Variants in SLC6A7 observed in about 807,000 individuals in gnomAD.
SLC6A7 encodes solute carrier family 6 member 7, also known as sodium-dependent proline transporter.
A neutral mutation model predicts 73.1 loss-of-function variants in SLC6A7; 58 were observed. The observed-to-expected ratio is 0.79, with a 90% CI of 0.64 to 0.99. The LOEUF (loss-of-function observed/expected upper bound fraction) is 0.99, where lower values mean the gene tolerates loss of function less well. Ranked by LOEUF, SLC6A7 falls within the 50% of genes least tolerant of loss-of-function variation. SLC6A7 has a pLI of 0.00. For missense variants in SLC6A7, 783 were observed against 831.4 expected (o/e 0.94, Z 0.72); for synonymous variants, 338 against 338.7 (o/e 1.00, Z 0.02).
rs766297889 is a variant in SLC6A7 at position 150,202,493 on chromosome 5, G to A, written c.962+43G>A. On this transcript the variant is annotated intron_variant, in intron 7 of 13. Transcript: ENST00000230671. ...TCCCAGACCCTGGGGTCCAAAGCAG[G>A]GAGGAGAGTGGCTGGCCAGGGAGGG... 7 of 1,611,088 alleles carry A rather than the reference G, an allele frequency of 4.3e-6. No homozygotes were observed. In the Admixed American group the frequency reaches 1.2e-4, roughly 27 times the overall value.
chr5:150,190,954 T>C (rs1263611328), intron 1 of SLC6A7, among the ~76,000 whole-genome samples: 1 of 152,012 alleles, frequency 6.6e-6, no homozygotes, highest in African/African-American at 2.4e-5. Flanking sequence ...ATATGATCAA[T>C]GAAGATGGAA....
At position 150,202,620 on chromosome 5, in the gene SLC6A7, T is replaced by A. The variant is rs1399929506; in HGVS notation, c.1004T>A (p.Ile335Asn). The A allele has an allele frequency of 1.2e-6, 2 of 1,614,086 alleles. No homozygotes were observed. Among genetic ancestry groups the A allele is most frequent in the Non-Finnish European group, 1.7e-6 (2 of 1,180,032 alleles). Residue 335 changes from isoleucine to asparagine, a missense_variant, in exon 8 of 14, where the codon ATC becomes AAC. By Grantham distance (149) the Ile-to-Asn change is moderately radical (BLOSUM62 -3). Coordinates refer to ENST00000230671, the MANE Select transcript of SLC6A7 (RefSeq NM_014228.5). ...IVTLGNAITSILAGFAIFSVL... is the reference protein window; with the variant it reads ...IVTLGNAITSNLAGFAIFSVL... Reference sequence around the variant, plus strand: ...ACTCTGGGCAACGCCATCACCAGCATCCTGGCTGGCTTTGCCATCTTCTCC... The same window carrying A: ...ACTCTGGGCAACGCCATCACCAGCAACCTGGCTGGCTTTGCCATCTTCTCC...
chr5:150,204,472 G>A lies in SLC6A7; in HGVS notation c.1333-60G>A. The stretch of plus-strand genomic sequence containing the variant: ...TCCTGCTCACTTCTTGCCAGGAGAA[G>A]GGGCTGTAGCAGAGAACGAGGCCCA... On this transcript the variant is annotated intron_variant, in intron 10 of 13. Transcript: ENST00000230671. 7 of 1,293,912 alleles carry A rather than the reference G, an allele frequency of 5.4e-6. No individual in the cohort carries two copies. The South Asian group carries it at 8.3e-5, about 15-fold the overall frequency. 80.2% of individuals were successfully genotyped at this position (1,293,912 alleles called of 1,614,324 possible).
At chr5:150,191,242 G>A (rs1327028219) in intron 1 of SLC6A7, among the ~76,000 whole-genome samples, 1 of 152,206 alleles carries the variant, frequency 6.6e-6, no homozygotes, top group Non-Finnish European at 1.5e-5. Flanking sequence ...CACTGGGTGT[G>A]TGAGGTGTGG....
chr5:150,194,294 T>C (rs1299300587), intron 1 of SLC6A7, among the ~76,000 whole-genome samples: 1 of 151,694 alleles, frequency 6.6e-6, no homozygotes, highest in East Asian at 1.9e-4. Context: ...CCGGGCGTGG[T>C]GGTGGGCGCC....
chr5:150,194,803 C>A lies in SLC6A7; in HGVS notation c.109C>A (p.Arg37=), dbSNP rs202163986. The change falls in exon 2 of 14, where the codon CGG becomes AGG. Residue 37 remains arginine, a synonymous_variant. Transcript: ENST00000230671. ...CCTGGATGTGGACTTTGCTGCACACCGGGGGAACTGGACAGGCAAGCTGGA... is the reference window on the plus strand; with the variant it reads ...CCTGGATGTGGACTTTGCTGCACACAGGGGGAACTGGACAGGCAAGCTGGA... The part of the protein sequence containing the change: ...VDLDVDFAAH[R]GNWTGKLDFL... 3.7e-6 allele frequency: 6 copies of A among 1,613,940 alleles called. No individual in the cohort carries two copies. The highest frequency in any genetic ancestry group is 1.6e-4 in the Middle Eastern group (1 of 6,084).
intron 2 of SLC6A7, among the ~76,000 whole-genome samples, chr5:150,196,200 G>A (rs1753010571): frequency 6.6e-6 from 1 of 152,200 alleles, no homozygotes; most frequent in African/African-American, 2.4e-5. Flanking sequence ...CTAGGAGGGG[G>A]TTGGTTGATG....
Position 150,203,791 on chromosome 5 carries a change from C to A in SLC6A7, c.1200+12C>A. 4 of 1,553,532 alleles carry A rather than the reference C, an allele frequency of 2.6e-6. No homozygotes were observed. The highest frequency in any genetic ancestry group is 3.5e-6 in the Non-Finnish European group (4 of 1,127,258). On this transcript the variant is annotated intron_variant, in intron 9 of 13. Transcript: ENST00000230671. Reference sequence around the variant, plus strand: ...GCCTAGATAGCCAGGTGAGTCTCGTCTGTGGCAGCAGGCACCCCGTGTGTG... The same window carrying A: ...GCCTAGATAGCCAGGTGAGTCTCGTATGTGGCAGCAGGCACCCCGTGTGTG...
chr5:150,196,123 G>A (rs79065905), intron 2 of SLC6A7, among the ~76,000 whole-genome samples: 6,897 of 152,242 alleles, frequency 0.045, 186 homozygotes, highest in East Asian at 0.12. Context: ...AGGAGAGGGC[G>A]GTGAACCCCC....
intron 1 of SLC6A7, among the ~76,000 whole-genome samples, chr5:150,191,714 G>A (rs192813166): frequency 6.6e-6 from 1 of 152,306 alleles, no homozygotes; most frequent in East Asian, 1.9e-4. Flanking sequence ...ACAGGTGTGA[G>A]TCACTGCGCC....
At chr5:150,198,141 G>T (rs1264279130) in intron 4 of SLC6A7, among the ~76,000 whole-genome samples, 4 of 149,536 alleles carry the variant, frequency 2.7e-5, no homozygotes, top group Admixed American at 2.0e-4. Context: ...AAGAAAGAAA[G>T]CAAAGCCCAG....
At chr5:150,208,835 G>A (rs945002263) in intron 13 of SLC6A7, among the ~76,000 whole-genome samples, 2 of 152,190 alleles carry the variant, frequency 1.3e-5, no homozygotes, top group African/African-American at 4.8e-5. Context: ...GGAAACTGGG[G>A]CTCTACAAGG....
At chr5:150,192,768 G>C (rs1278817982) in intron 1 of SLC6A7, among the ~76,000 whole-genome samples, 1 of 152,202 alleles carries the variant, frequency 6.6e-6, no homozygotes, top group Non-Finnish European at 1.5e-5. Flanking sequence ...AGCATGGAAA[G>C]GGCAGCTTCT....
In SLC6A7 at chr5:150,208,017, G is replaced by A. The variant is rs73279873; in HGVS notation, c.1702-1389G>A. 4.3e-3 allele frequency among the ~76,000 whole-genome samples: 647 copies of A among 151,958 alleles called. 5 individuals are homozygous for A. Among genetic ancestry groups the A allele is most frequent in the African/African-American group, 0.015 (624 of 41,450 alleles). On this transcript the variant is annotated intron_variant, in intron 13 of 13. Coordinates refer to ENST00000230671, the MANE Select transcript of SLC6A7 (RefSeq NM_014228.5). ...CTGCTAAACAACCTTCCATGCGCAG[G>A]ACAGCCCCCATAACACAGAATCCTC... is the stretch of plus-strand genomic sequence containing the variant.
At position 150,205,608 on chromosome 5, in the gene SLC6A7, G is replaced by T; in HGVS notation, c.1686G>T (p.Glu562Asp). Residue 562 changes from glutamate (E) to aspartate (D), a missense_variant, in exon 13 of 14, where the codon GAG (glutamate) becomes GAT (aspartate). By Grantham distance (45) the Glu-to-Asp change is conservative. Transcript: ENST00000230671. ...AGMLVAVLRE[E>D]GSLWERLQQA... is the part of the protein sequence containing the mutation. ...TGCTGGTGGCTGTGCTTCGAGAAGA[G>T]GGCTCACTCTGGGAGGTGAGTCTGC... 6.2e-7 allele frequency: 1 copy of T among 1,610,518 alleles called. No individual in the cohort carries two copies.
rs1021610213 is a variant in SLC6A7 at position 150,203,719 on chromosome 5, G to C, written c.1140G>C (p.Leu380=). ...CACAGGCCATGACCATGCTGCCTCT[G>C]TCACCCTTCTGGTCCTTTCTCTTCT... ...VYPQAMTMLP[L]SPFWSFLFFF... The change falls in exon 9 of 14, where the codon CTG becomes CTC. Residue 380 remains leucine, a synonymous_variant. Coordinates refer to ENST00000230671, the MANE Select transcript of SLC6A7 (RefSeq NM_014228.5). 2 of 1,613,250 alleles carry C rather than the reference G, an allele frequency of 1.2e-6. No individual in the cohort carries two copies. Among genetic ancestry groups the C allele is most frequent in the Non-Finnish European group, 1.7e-6 (2 of 1,179,384 alleles).
At chr5:150,198,212 T>G (rs2113974732) in intron 4 of SLC6A7, among the ~76,000 whole-genome samples, 1 of 152,358 alleles carries the variant, frequency 6.6e-6, no homozygotes, top group Non-Finnish European at 1.5e-5. Flanking sequence ...TAAGGACTCC[T>G]GAGTCCTGAT....
At chr5:150,195,300 C>G (rs1752967509) in intron 2 of SLC6A7, 1 of 169,708 alleles carries the variant, frequency 5.9e-6, no homozygotes, top group Non-Finnish European at 1.3e-5. Context: ...CTGAGCTGTG[C>G]TCCATCAATC....
At position 150,205,516 on chromosome 5, in the gene SLC6A7, C is replaced by T. The variant is rs1386249561; in HGVS notation, c.1594C>T (p.Pro532Ser). 6.2e-7 allele frequency: 1 copy of T among 1,613,646 alleles called. No individual in the cohort carries two copies. The highest frequency in any genetic ancestry group is 8.5e-7 in the Non-Finnish European group (1 of 1,179,744). Residue 532 changes from proline to serine, a missense_variant, in exon 13 of 14, where the codon CCG (proline) becomes TCG (serine). By Grantham distance (74) the Pro-to-Ser change is moderately conservative (BLOSUM62 -1). Coordinates refer to ENST00000230671, the MANE Select transcript of SLC6A7 (RefSeq NM_014228.5). ...CTCGGAGTATGGCAGTTACCGCTTC[C>T]CGCCCTGGGCTGAGCTGCTGGGCAT... is the stretch of plus-strand genomic sequence containing the variant. ...QPSEYGSYRF[P>S]PWAELLGILM...
Sources: gnomAD v4.1 joint callset for allele counts (sites outside exome capture counted in the v4.1 genomes callset) on GRCh38, gnomAD v4.1.1 for gene constraint, MANE v1.5 for transcripts, NCBI Gene and HGNC (gene_info 2026-07-23, HGNC 2026-07-21) for gene names.